The following PPARGC1A variants were observed in gnomAD, a reference collection of about 807,000 sequenced individuals.
The protein encoded by PPARGC1A is peroxisome proliferator-activated receptor gamma coactivator 1-alpha.
A neutral mutation model predicts 88.7 loss-of-function variants in PPARGC1A; 25 were observed. The observed-to-expected ratio is 0.28, with a 90% CI of 0.21 to 0.39. The LOEUF (loss-of-function observed/expected upper bound fraction) is 0.39, where lower values mean the gene tolerates loss of function less well. Ranked by LOEUF, PPARGC1A falls within the 10% of genes least tolerant of loss-of-function variation. The pLI, the probability that PPARGC1A is intolerant of heterozygous loss-of-function variation, is 1.00. For synonymous variants in PPARGC1A, 363 were observed against 355.6 expected (o/e 1.02, Z -0.24); for missense variants, 880 against 968.7 (o/e 0.91, Z 1.22).
chr4:24,247,753 A>C, the PPARGC1A span, among the ~76,000 whole-genome samples: 2 of 152,132 alleles, frequency 1.3e-5, no homozygotes, highest in Non-Finnish European at 2.9e-5. Context: ...TGAGCCTGTG[A>C]ATGGAGTTGC....
At chr4:24,010,548 T>G in the PPARGC1A span, among the ~76,000 whole-genome samples, 1 of 152,058 alleles carries the variant, frequency 6.6e-6, no homozygotes, top group African/African-American at 2.4e-5. Context: ...TATGTTCTAG[T>G]GGGAAGGACA....
the PPARGC1A span, among the ~76,000 whole-genome samples, chr4:24,259,508 G>A: frequency 2.6e-5 from 4 of 152,120 alleles, no homozygotes; most frequent in South Asian, 6.2e-4. Flanking sequence ...CATATATGAG[G>A]TGGTCCCATA....
chr4:24,177,103 A>C, the PPARGC1A span, among the ~76,000 whole-genome samples: 14 of 152,144 alleles, frequency 9.2e-5, no homozygotes, highest in African/African-American at 1.9e-4. Context: ...TTGACCCAGC[A>C]ATCCCATTAC....
the PPARGC1A span, among the ~76,000 whole-genome samples, chr4:24,180,305 C>T: frequency 4.6e-5 from 7 of 152,160 alleles, no homozygotes; most frequent in African/African-American, 1.7e-4. Context: ...TTCAAGTTGA[C>T]TCACATTTTT....
the PPARGC1A span, among the ~76,000 whole-genome samples, chr4:24,243,010 T>C: frequency 6.6e-6 from 1 of 152,174 alleles, no homozygotes; most frequent in Non-Finnish European, 1.5e-5. Context: ...CTTTTCCTCA[T>C]TGCAATTATA....
the PPARGC1A span, among the ~76,000 whole-genome samples, chr4:24,170,639 T>A: frequency 9.7e-4 from 147 of 152,256 alleles, no homozygotes; most frequent in African/African-American, 3.5e-3. Flanking sequence ...GTGGAGGCCC[T>A]CTGGCTCAAA....
chr4:24,011,707 T>C, the PPARGC1A span, among the ~76,000 whole-genome samples: 3 of 152,098 alleles, frequency 2.0e-5, no homozygotes, highest in Non-Finnish European at 4.4e-5. Context: ...CGCAGGAAAA[T>C]GGTGGAAAGA....
At chr4:23,970,144 A>C in the PPARGC1A span, among the ~76,000 whole-genome samples, 45 of 152,308 alleles carry the variant, frequency 3.0e-4, no homozygotes, top group Middle Eastern at 3.4e-3. Context: ...TTTACTAGCT[A>C]TGCTTTACCT....
At chr4:23,965,146 ACT>A in the PPARGC1A span, among the ~76,000 whole-genome samples, 1 of 151,644 alleles carries the variant, frequency 6.6e-6, no homozygotes, top group Non-Finnish European at 1.5e-5. Flanking sequence ...CATCTCAAAG[ACT>A]CTCTCCTCCA....
the PPARGC1A span, among the ~76,000 whole-genome samples, chr4:24,153,866 C>T: frequency 8.6e-5 from 13 of 151,900 alleles, no homozygotes; most frequent in African/African-American, 2.2e-4. Context: ...AAGGAATACT[C>T]GACTTGCCAA....
chr4:23,867,177 T>C lies in PPARGC1A; in HGVS notation c.234+17575A>G, dbSNP rs563744344. Reference sequence around the variant, plus strand: ...TTTCACGGACATTTTTACTCCTCTATGTGTGTCTTCATGGTACTTCATTTC... The same window carrying C: ...TTTCACGGACATTTTTACTCCTCTACGTGTGTCTTCATGGTACTTCATTTC... On this transcript the variant is annotated intron_variant, in intron 2 of 12. Coordinates refer to ENST00000264867, the MANE Select transcript of PPARGC1A (RefSeq NM_013261.5). Among the ~76,000 whole-genome samples, 15 of 152,336 alleles carry C rather than the reference T, an allele frequency of 9.8e-5. No individual in the cohort carries two copies. In the South Asian group the frequency reaches 1.9e-3, roughly 19 times the overall value.
the PPARGC1A span, among the ~76,000 whole-genome samples, chr4:24,178,153 T>C: frequency 6.6e-6 from 1 of 152,220 alleles, no homozygotes; most frequent in African/African-American, 2.4e-5. Context: ...TCCTATTCAT[T>C]CATTCATTCT....
chr4:24,279,647 G>A, the PPARGC1A span, among the ~76,000 whole-genome samples: 1 of 152,092 alleles, frequency 6.6e-6, no homozygotes, highest in Non-Finnish European at 1.5e-5. Flanking sequence ...CCCCACTCCT[G>A]CCACAGATGG....
the PPARGC1A span, among the ~76,000 whole-genome samples, chr4:24,131,573 C>G: frequency 6.6e-6 from 1 of 152,352 alleles, no homozygotes; most frequent in South Asian, 2.1e-4. Flanking sequence ...ATTTCTCCAA[C>G]TAATCAGATT....
chr4:23,813,670 AG>A lies in PPARGC1A; in HGVS notation c.1793+19del, dbSNP rs745358713. 1 of 1,498,192 alleles carries A rather than the reference AG, an allele frequency of 6.7e-7. No homozygotes were observed. Among genetic ancestry groups the A allele is most frequent in the African/African-American group, 1.4e-5 (1 of 70,784 alleles). The allele number at this position is 1,498,192 out of a possible 1,614,324, so 92.8% of individuals were successfully genotyped here. On this transcript the variant is annotated intron_variant, in intron 8 of 12. Coordinates refer to ENST00000264867, the MANE Select transcript of PPARGC1A (RefSeq NM_013261.5). ...TCTTAGGAACACCTTTTGTGTTATT[AG>A]GGTTTTGCCAAGGTTTACCTTGAAG... is the stretch of plus-strand genomic sequence containing the variant.
At chr4:24,018,164 A>G in the PPARGC1A span, among the ~76,000 whole-genome samples, 1 of 152,202 alleles carries the variant, frequency 6.6e-6, no homozygotes, top group Non-Finnish European at 1.5e-5. Flanking sequence ...TATAGCAATC[A>G]TGTGTCCCTT....
At chr4:24,315,235 T>C in the PPARGC1A span, among the ~76,000 whole-genome samples, 2 of 152,180 alleles carry the variant, frequency 1.3e-5, no homozygotes, top group Admixed American at 1.3e-4. Flanking sequence ...GAAAGGATGC[T>C]GAAGCCACTA....
At chr4:23,914,656 C>T in the PPARGC1A span, among the ~76,000 whole-genome samples, 1 of 152,190 alleles carries the variant, frequency 6.6e-6, no homozygotes, top group Non-Finnish European at 1.5e-5. Context: ...ACATACATGA[C>T]AGATATCTTC....
chr4:23,923,647 G>A, the PPARGC1A span, among the ~76,000 whole-genome samples: 3 of 152,172 alleles, frequency 2.0e-5, no homozygotes, highest in African/African-American at 7.2e-5. Context: ...GGAAGGGAAT[G>A]TACCCTGATA....
Sources: allele counts gnomAD v4.1 joint callset (sites outside exome capture counted in the v4.1 genomes callset), GRCh38; gene constraint gnomAD v4.1.1; transcripts MANE v1.5; gene names NCBI Gene and HGNC (gene_info 2026-07-23, HGNC 2026-07-21).